PITRM1: variants seen among roughly 807,000 people sequenced by gnomAD.
PITRM1 encodes the protein presequence protease, mitochondrial.
A neutral mutation model predicts 129.9 loss-of-function variants in PITRM1; 100 were observed. The observed-to-expected ratio is 0.77, with a 90% CI of 0.65 to 0.91. The LOEUF (loss-of-function observed/expected upper bound fraction) is 0.91, where lower values mean the gene tolerates loss of function less well. Among genes scored for constraint, PITRM1 ranks in the 40% least tolerant of loss-of-function variants. PITRM1 has a pLI of 0.00. For synonymous variants in PITRM1, 591 were observed against 508.8 expected (o/e 1.16, Z -2.17); for missense variants, 1,471 against 1,318.3 (o/e 1.12, Z -1.79).
intron 20 of PITRM1, 179 bp from the exon 21 acceptor site, chr10:3,145,895 T>C: frequency 5.0e-6 from 3 of 596,580 alleles, no homozygotes; most frequent in Non-Finnish European, 8.9e-6. Flanking sequence ...CTTCAGGTTA[T>C]CAAGAGATTT....
In PITRM1 at chr10:3,171,146, T is replaced by TAAAAAAAAAAAAAAAAAAAAAAAAA. The variant is rs1588736135; in HGVS notation, c.57-941_57-940insTTTTTTTTTTTTTTTTTTTTTTTTT. On this transcript the variant is annotated intron_variant, in intron 1 of 26. Coordinates refer to ENST00000224949, the MANE Select transcript of PITRM1 (RefSeq NM_014889.4). ...GATAAAGTGCGGACTAATCGTTCAA[T>TAAAAAAAAAAAAAAAAAAAAAAAAA]TAAAAAAAAAAAAAAAAAAAAAAAA... is the stretch of plus-strand genomic sequence containing the variant. Among the ~76,000 whole-genome samples, 60 of 36,266 alleles carry TAAAAAAAAAAAAAAAAAAAAAAAAA rather than the reference T, an allele frequency of 1.7e-3. 26 individuals carry two copies. The highest frequency in any genetic ancestry group is 2.7e-3 in the South Asian group (2 of 736). The allele number at this position is 36,266 out of a possible 152,430, so 23.8% of individuals were successfully genotyped here. A position where few individuals can be genotyped will look rare whatever the true frequency, so the allele number is the denominator to read the frequency against.
Position 3,147,967 on chromosome 10 carries a change from A to C in PITRM1, c.2069+20T>G. The C allele has an allele frequency of 1.9e-6, 3 of 1,573,054 alleles. No individual in the cohort carries two copies. The highest frequency in any genetic ancestry group is 1.8e-6 in the Non-Finnish European group (2 of 1,142,458). On this transcript the variant is annotated intron_variant, in intron 18 of 26. Coordinates refer to ENST00000224949, the MANE Select transcript of PITRM1 (RefSeq NM_014889.4). Reference sequence around the variant, plus strand: ...CTCTAGTACACCCCAAGAATGGACAACTCTTGCAAATAAAGTTACTTGTTA... The same window carrying C: ...CTCTAGTACACCCCAAGAATGGACACCTCTTGCAAATAAAGTTACTTGTTA...
intron 10 of PITRM1, 147 bp from the exon 11 acceptor site, chr10:3,158,300 C>T: frequency 1.6e-6 from 1 of 623,124 alleles, no homozygotes; most frequent in East Asian, 2.9e-5. Context: ...TCTCAAGTAA[C>T]TGGTTCTGTG....
intron 16 of PITRM1, 131 bp from the exon 17 acceptor site, chr10:3,148,422 T>A (rs1588658393): frequency 8.5e-7 from 1 of 1,175,610 alleles, no homozygotes; most frequent in Non-Finnish European, 1.2e-6. Context: ...CTCTCTACAC[T>A]TCGAAGGTCA....
intron 14 of PITRM1, 42 bp downstream of exon 14, chr10:3,155,549 G>C (rs1438993968): frequency 6.2e-7 from 1 of 1,610,564 alleles, no homozygotes; most frequent in Admixed American, 1.7e-5. Context: ...CTAGGCCCGA[G>C]TGCAGGTTAG....
chr10:3,148,213 G>C lies in PITRM1; in HGVS notation c.1950C>G (p.Pro650=). 6.2e-7 allele frequency: 1 copy of C among 1,614,020 alleles called. No individual in the cohort carries two copies. Among genetic ancestry groups the C allele is most frequent in the Non-Finnish European group, 8.5e-7 (1 of 1,179,888 alleles). ...TGTGTGAGTCGTCGGGGAGCACGTG[G>C]GGAGAAGCACTCATCCCTCCGGTCT... ...ELKTGGMSAS[P]HVLPDDSHMD... The change falls in exon 17 of 27, where the codon CCC becomes CCG. Residue 650 remains proline, a synonymous_variant. Transcript: ENST00000224949.
chr10:3,138,173 G>C (rs376411688), intron 26 of PITRM1, 49 bp from the exon 27 acceptor site: 1 of 1,568,480 alleles, frequency 6.4e-7, no homozygotes, highest in Admixed American at 1.7e-5. Flanking sequence ...CTGCGTGAGC[G>C]CTGTTAGAGT....
In PITRM1 at chr10:3,148,404, T is replaced by C. The variant is rs541852535; in HGVS notation, c.1872-113A>G. The C allele has an allele frequency of 4.0e-5, 54 of 1,345,828 alleles. 1 individual carries two copies. In the South Asian group the frequency reaches 6.5e-4, roughly 16 times the overall value. The allele number at this position is 1,345,828 out of a possible 1,614,324, so 83.4% of individuals were successfully genotyped here. A position where few individuals can be genotyped will look rare whatever the true frequency, so the allele number is the denominator to read the frequency against. On this transcript the variant is annotated intron_variant, in intron 16 of 26. Coordinates refer to ENST00000224949, the MANE Select transcript of PITRM1 (RefSeq NM_014889.4). Reference sequence around the variant, plus strand: ...TTCCATTAATTCAATAACTGCGGCTTTGCCAACCTCTCTACACTTCGAAGG... The same window carrying C: ...TTCCATTAATTCAATAACTGCGGCTCTGCCAACCTCTCTACACTTCGAAGG...
At chr10:3,138,556 C>G (rs769893861) in intron 25 of PITRM1, 1 of 607,014 alleles carries the variant, frequency 1.6e-6, no homozygotes, top group Non-Finnish European at 2.9e-6. Context: ...AGCAGGGATG[C>G]AGTCAGCGCC....
chr10:3,138,241 C>T lies in PITRM1; in HGVS notation c.3014G>A (p.Ser1005Asn). 8 of 1,612,912 alleles carry T rather than the reference C, an allele frequency of 5.0e-6. No homozygotes were observed. Among genetic ancestry groups the T allele is most frequent in the Non-Finnish European group, 6.8e-6 (8 of 1,178,876 alleles). ...TCCCCCGCTCCCCACTCACCTATCG[C>T]TCACGGCCAGGAGCTTGTCGTGGCT... ...AVSHDKLLAV[S>N]DRYLGTGKST... The change falls in exon 26 of 27, where the codon AGC becomes AAC. Residue 1005 changes from serine (S) to asparagine (N), a missense_variant. Ser to Asn is a conservative substitution (Grantham distance 46). Coordinates refer to ENST00000224949, the MANE Select transcript of PITRM1 (RefSeq NM_014889.4).
At chr10:3,144,091 C>G in intron 22 of PITRM1, 2 of 595,920 alleles carry the variant, frequency 3.4e-6, no homozygotes, top group East Asian at 2.8e-5. Context: ...GGACACACCC[C>G]CACCAGGGCC....
intron 14 of PITRM1, among the ~76,000 whole-genome samples, chr10:3,151,936 C>T (rs943689360): frequency 2.6e-5 from 4 of 151,760 alleles, no homozygotes; most frequent in Admixed American, 6.6e-5. Context: ...TTTGTAGAGA[C>T]GAGGTTTTGC....
intron 24 of PITRM1, 63 bp downstream of exon 24, chr10:3,140,623 TA>T: frequency 7.0e-7 from 1 of 1,435,940 alleles, no homozygotes; most frequent in African/African-American, 1.4e-5. Flanking sequence ...ATGACACTGA[TA>T]ATCATGAGTA....
In PITRM1 at chr10:3,137,930, G is replaced by A. The variant is rs751935735; in HGVS notation, c.*101C>T. 1.4e-5 allele frequency: 10 copies of A among 719,364 alleles called. No individual in the cohort carries two copies. The highest frequency in any genetic ancestry group is 7.1e-5 in the African/African-American group (4 of 56,498). 44.6% of individuals were successfully genotyped at this position (719,364 alleles called of 1,614,324 possible). Reference sequence around the variant, plus strand: ...GTCAAGGGCTTTGGCGACACTCAATGACATAATATTCTTGGAAAAAGCAGT... The same window carrying A: ...GTCAAGGGCTTTGGCGACACTCAATAACATAATATTCTTGGAAAAAGCAGT... On this transcript the variant is annotated 3_prime_UTR_variant, in exon 27 of 27. Transcript: ENST00000224949.
chr10:3,137,988 G>T lies in PITRM1; in HGVS notation c.*43C>A. On this transcript the variant is annotated 3_prime_UTR_variant, in exon 27 of 27. Coordinates refer to ENST00000224949, the MANE Select transcript of PITRM1 (RefSeq NM_014889.4). ...CTGACTTTTCATATTCAGCTCGGAGGTGTATTGTCTCGGGCTCCTGTGCAG... is the reference window on the plus strand; with the variant it reads ...CTGACTTTTCATATTCAGCTCGGAGTTGTATTGTCTCGGGCTCCTGTGCAG... 3 of 1,096,770 alleles carry T rather than the reference G, an allele frequency of 2.7e-6. No individual in the cohort carries two copies. The highest frequency in any genetic ancestry group is 2.5e-5 in the East Asian group (1 of 40,198). 67.9% of individuals were successfully genotyped at this position (1,096,770 alleles called of 1,614,324 possible). A position where few individuals can be genotyped will look rare whatever the true frequency, so the allele number is the denominator to read the frequency against.
intron 12 of PITRM1, 151 bp from the exon 13 acceptor site, chr10:3,157,215 G>T: frequency 1.2e-6 from 1 of 808,072 alleles, no homozygotes; most frequent in Non-Finnish European, 1.8e-6. Flanking sequence ...TCTTTGGATG[G>T]AGAAACAAAA....
chr10:3,138,178 TAG>T (rs1026637121), intron 26 of PITRM1, 54 bp from the exon 27 acceptor site: 93 of 1,572,432 alleles, frequency 5.9e-5, no homozygotes, highest in African/African-American at 2.3e-4. Context: ...TGAGCGCTGT[TAG>T]AGTCAGCACG....
At chr10:3,172,289 G>C (rs1247019110) in intron 1 of PITRM1, 1 of 481,466 alleles carries the variant, frequency 2.1e-6, no homozygotes, top group Admixed American at 2.3e-5. Context: ...AATTCCGGGA[G>C]GCGTCAGTTC....
rs1843204202 is a variant in PITRM1, at chr10:3,170,030, G to T, written c.159+74C>A. The T allele has an allele frequency of 2.7e-6, 3 of 1,117,538 alleles. No individual in the cohort carries two copies. The East Asian group carries it at 7.1e-5, about 27-fold the overall frequency. 69.2% of individuals were successfully genotyped at this position (1,117,538 alleles called of 1,614,324 possible). A position where few individuals can be genotyped will look rare whatever the true frequency, so the allele number is the denominator to read the frequency against. ...AAAACGCTAGTCTCCGCCCTGAAGG[G>T]CTCCGTACATAGGCCAGAAGCCGCA... On this transcript the variant is annotated intron_variant, in intron 2 of 26. Coordinates refer to ENST00000224949, the MANE Select transcript of PITRM1 (RefSeq NM_014889.4).
Sources: allele counts gnomAD v4.1 joint callset (sites outside exome capture counted in the v4.1 genomes callset), GRCh38; gene constraint gnomAD v4.1.1; transcripts MANE v1.5; gene names NCBI Gene and HGNC (gene_info 2026-07-23, HGNC 2026-07-21).